The following CCDC142 variants were observed in gnomAD, a reference collection of about 807,000 sequenced individuals.
CCDC142 encodes coiled-coil domain containing 142.
In CCDC142, 67 loss-of-function variants were observed where a neutral mutation model predicts 83.8. The observed-to-expected ratio is 0.80, with a 90% CI of 0.66 to 0.98. The LOEUF is 0.98. CCDC142 is among the 50% of genes least tolerant of loss of function. The pLI is 0.00. For missense variants in CCDC142, 905 were observed against 946.8 expected (o/e 0.96, Z 0.58); for synonymous variants, 421 against 421.2 (o/e 1.00, Z 0.01).
chr2:74,482,900 G>A lies in CCDC142; in HGVS notation c.-63C>T. 1 of 1,567,010 alleles carries A rather than the reference G, an allele frequency of 6.4e-7. No individual in the cohort carries two copies. Among genetic ancestry groups the A allele is most frequent in the Non-Finnish European group, 8.6e-7 (1 of 1,159,278 alleles). ...TTCCCTGCACGGACCAACGCCCGCC[G>A]CAGCTCGGACTTCGCCCCATCGCAA... is the stretch of plus-strand genomic sequence containing the variant. On this transcript the variant is annotated 5_prime_UTR_variant, in exon 1 of 9. Coordinates refer to ENST00000393965, the MANE Select transcript of CCDC142 (RefSeq NM_001365575.2). This position sits in a 1 kb window ranked among gnomAD's most constrained non-coding sequence, Gnocchi z 5.0.
In CCDC142 at chr2:74,481,906, G is replaced by A; in HGVS notation, c.932C>T (p.Ala311Val). 6.2e-7 allele frequency: 1 copy of A among 1,614,138 alleles called. No individual in the cohort carries two copies. Among genetic ancestry groups the A allele is most frequent in the Non-Finnish European group, 8.5e-7 (1 of 1,180,022 alleles). ...TAGGTCCAGACTCTGAGCACAGGCT[G>A]CCCACAGCAGGGTCCAGTATTGGCT... is the stretch of plus-strand genomic sequence containing the variant. ...LWSQYWTLLW[A>V]ACAQSLDLNL... Residue 311 changes from alanine to valine, a missense_variant, in exon 1 of 9, where the codon GCA (alanine) becomes GTA (valine). Coordinates refer to ENST00000393965, the MANE Select transcript of CCDC142 (RefSeq NM_001365575.2).
At position 74,475,708 on chromosome 2, in the gene CCDC142, G is replaced by C. The variant is rs780743503; in HGVS notation, c.1522C>G (p.Leu508Val). 3 of 1,613,386 alleles carry C rather than the reference G, an allele frequency of 1.9e-6. No individual in the cohort carries two copies. Among genetic ancestry groups the C allele is most frequent in the Non-Finnish European group, 2.5e-6 (3 of 1,179,368 alleles). ...TGACATTCTTGAGAAAAGACACTTAGTGACTCTTCAGGCAGGAGCTGTAGG... is the reference window on the plus strand; with the variant it reads ...TGACATTCTTGAGAAAAGACACTTACTGACTCTTCAGGCAGGAGCTGTAGG... ...AQIQLLPEESLSVFSQECHKQ... is the reference protein window; with the variant it reads ...AQIQLLPEESVSVFSQECHKQ... Residue 508 changes from leucine to valine, a missense_variant, in exon 6 of 9, where the codon CTA (leucine) becomes GTA (valine). By Grantham distance (32) the Leu-to-Val change is conservative (BLOSUM62 1). This residue lies in a region of CCDC142 where 49 missense variants were observed against 86.4 expected (regional missense o/e 0.57). Transcript: ENST00000393965.
chr2:74,478,130 C>T (rs911121798), intron 5 of CCDC142, among the ~76,000 whole-genome samples: 3 of 149,084 alleles, frequency 2.0e-5, no homozygotes, highest in Non-Finnish European at 3.0e-5. Context: ...GGCACGCTCT[C>T]GACTCACTGG....
intron 5 of CCDC142, among the ~76,000 whole-genome samples, chr2:74,477,749 G>T (rs1021724628): frequency 6.6e-6 from 1 of 152,144 alleles, no homozygotes; most frequent in African/African-American, 2.4e-5. Flanking sequence ...CTCATGATGA[G>T]CCTGCTCTGG....
At chr2:74,475,570 C>T (rs1672304367) in intron 6 of CCDC142, 42 bp downstream of exon 6, 1 of 1,549,140 alleles carries the variant, frequency 6.5e-7, no homozygotes. Flanking sequence ...ACACTATTAC[C>T]CCCTTGGAAC....
chr2:74,476,374 T>C (rs1572929325), intron 5 of CCDC142, among the ~76,000 whole-genome samples: 1 of 152,176 alleles, frequency 6.6e-6, no homozygotes, highest in African/African-American at 2.4e-5. Context: ...GGTTTTGCCA[T>C]GTTGGTCAGG....
intron 5 of CCDC142, among the ~76,000 whole-genome samples, chr2:74,478,799 G>C (rs898788539): frequency 2.6e-5 from 4 of 151,396 alleles, no homozygotes; most frequent in African/African-American, 7.3e-5. Context: ...GGCTGAGGTG[G>C]GTGGATCACC....
In CCDC142 at chr2:74,475,172, C is replaced by G; in HGVS notation, c.1796+53G>C. 4.3e-6 allele frequency: 7 copies of G among 1,613,322 alleles called. No homozygotes were observed. The South Asian group carries it at 7.7e-5, about 18-fold the overall frequency. ...CCCTCCTGCCTCTCCCACTTATCCC[C>G]TTCCTTTTCCCAGTTCCATTCACCC... On this transcript the variant is annotated intron_variant, in intron 7 of 8. Transcript: ENST00000393965.
chr2:74,473,858 C>T lies in CCDC142; in HGVS notation c.*688G>A, dbSNP rs1230328951. On this transcript the variant is annotated 3_prime_UTR_variant, in exon 9 of 9. Coordinates refer to ENST00000393965, the MANE Select transcript of CCDC142 (RefSeq NM_001365575.2). ...CACAATCTCGGCTCTCCGCAACCTTCGCCTCCTAGGTTCAAGCGATTCTCC... is the reference window on the plus strand; with the variant it reads ...CACAATCTCGGCTCTCCGCAACCTTTGCCTCCTAGGTTCAAGCGATTCTCC... 2 of 148,158 alleles carry T rather than the reference C, an allele frequency of 1.3e-5. No homozygotes were observed. Among genetic ancestry groups the T allele is most frequent in the East Asian group, 2.0e-4 (1 of 4,980 alleles). The allele number at this position is 148,158 out of a possible 1,614,324, so 9.2% of individuals were successfully genotyped here.
chr2:74,477,126 T>C (rs529613318), intron 5 of CCDC142, among the ~76,000 whole-genome samples: 2 of 152,208 alleles, frequency 1.3e-5, no homozygotes, highest in Non-Finnish European at 2.9e-5. Flanking sequence ...ATGCCTCTTT[T>C]TTTTTTTTTG....
Position 74,482,563 on chromosome 2 carries a change from C to A in CCDC142, c.275G>T (p.Arg92Leu), listed in dbSNP as rs1264214707. Residue 92 changes from arginine to leucine, a missense_variant, in exon 1 of 9, where the codon CGG (arginine) becomes CTG (leucine). Around this residue, in one of 3 missense-constraint regions of CCDC142, gnomAD observed 591 missense variants for 571.4 expected, o/e 1.03. Coordinates refer to ENST00000393965, the MANE Select transcript of CCDC142 (RefSeq NM_001365575.2). The surrounding 1 kb of genome is among the most constrained non-coding windows in gnomAD (Gnocchi z 5.0). ...GCGATGCAGCCGCAGCAACACCGCC[C>A]GGAGACGCTGCAGCGCGGGAGGGAT... ...GPIPPALQRL[R>L]AVLLRLHRER... is the part of the protein sequence containing the mutation. The A allele has an allele frequency of 6.2e-7, 1 of 1,601,416 alleles. No homozygotes were observed. Among genetic ancestry groups the A allele is most frequent in the Non-Finnish European group, 8.5e-7 (1 of 1,173,414 alleles).
At chr2:74,479,324 A>T (rs1672394621) in intron 5 of CCDC142, among the ~76,000 whole-genome samples, 1 of 152,228 alleles carries the variant, frequency 6.6e-6, no homozygotes, top group African/African-American at 2.4e-5. Flanking sequence ...CCACACCCCT[A>T]TTCGGGGCAA....
Position 74,474,766 on chromosome 2 carries a change from C to T in CCDC142, c.2033G>A (p.Ser678Asn). Residue 678 changes from serine to asparagine, a missense_variant, in exon 9 of 9, where the codon AGC becomes AAC. Ser to Asn is a conservative substitution (Grantham distance 46). This residue lies in a region of CCDC142 where 265 missense variants were observed against 288.9 expected (regional missense o/e 0.92). Coordinates refer to ENST00000393965, the MANE Select transcript of CCDC142 (RefSeq NM_001365575.2). ...CQEVQTTKLPSSCLNSLESLE... is the reference protein window; with the variant it reads ...CQEVQTTKLPNSCLNSLESLE... ...GCTCTCCAGGCTATTGAGGCAGCTG[C>T]TGGGCAATTTCGTGGTCTGGACCTC... 1 of 1,613,166 alleles carries T rather than the reference C, an allele frequency of 6.2e-7. No individual in the cohort carries two copies. Among genetic ancestry groups the T allele is most frequent in the Non-Finnish European group, 8.5e-7 (1 of 1,179,400 alleles).
chr2:74,473,066 C>T lies in CCDC142; in HGVS notation c.*1480G>A. 1 of 272,226 alleles carries T rather than the reference C, an allele frequency of 3.7e-6. No individual in the cohort carries two copies. Among genetic ancestry groups the T allele is most frequent in the Non-Finnish European group, 7.2e-6 (1 of 139,844 alleles). 16.9% of individuals were successfully genotyped at this position (272,226 alleles called of 1,614,324 possible). A position where few individuals can be genotyped will look rare whatever the true frequency, so the allele number is the denominator to read the frequency against. On this transcript the variant is annotated 3_prime_UTR_variant, in exon 9 of 9. Coordinates refer to ENST00000393965, the MANE Select transcript of CCDC142 (RefSeq NM_001365575.2). ...TCCAAAGAGAGAGCACTAACACAAG[C>T]CGGGATGATCCACACCAGAAGGTAA...
chr2:74,478,054 A>C (rs1672366436), intron 5 of CCDC142, among the ~76,000 whole-genome samples: 1 of 147,598 alleles, frequency 6.8e-6, no homozygotes, highest in African/African-American at 2.5e-5. Context: ...ATATAATATA[A>C]ATAAAATATA....
In CCDC142 at chr2:74,475,356, G is replaced by C; in HGVS notation, c.1665C>G (p.Thr555=). Residue 555 remains threonine (T), a synonymous_variant, in exon 7 of 9, where the codon ACC becomes ACG. Coordinates refer to ENST00000393965, the MANE Select transcript of CCDC142 (RefSeq NM_001365575.2). ...PSEYAGLVVR[T]VLEPVLQGLQ... ...ATCCTTGCAACACAGGCTCCAGTAC[G>C]GTGCGGACCACTAAACCAGCATACT... 2 of 1,606,972 alleles carry C rather than the reference G, an allele frequency of 1.2e-6. No individual in the cohort carries two copies. Among genetic ancestry groups the C allele is most frequent in the South Asian group, 1.1e-5 (1 of 90,302 alleles).
chr2:74,480,939 A>G lies in CCDC142; in HGVS notation c.1389+17T>C, dbSNP rs1447399317. 6.2e-7 allele frequency: 1 copy of G among 1,612,550 alleles called. No individual in the cohort carries two copies. Among genetic ancestry groups the G allele is most frequent in the South Asian group, 1.1e-5 (1 of 91,060 alleles). On this transcript the variant is annotated intron_variant, in intron 4 of 8. Coordinates refer to ENST00000393965, the MANE Select transcript of CCDC142 (RefSeq NM_001365575.2). ...CCTAGCTCAGGCTGCTCCCCTCCCT[A>G]CTCCCCAGCCACTCACAGGTAAGTC...
At chr2:74,476,033 C>A (rs933581443) in intron 5 of CCDC142, among the ~76,000 whole-genome samples, 2 of 138,352 alleles carry the variant, frequency 1.4e-5, no homozygotes, top group Non-Finnish European at 3.1e-5. Flanking sequence ...ATACCCTGCC[C>A]CCACCCCCGC....
Position 74,474,356 on chromosome 2 carries a change from A to T in CCDC142, c.*190T>A. The stretch of plus-strand genomic sequence containing the variant: ...CCTCGGTCTCCCAAAGTGCTGGATT[A>T]CAGGCGTGAGCCACCTCGCCCAGCC... On this transcript the variant is annotated 3_prime_UTR_variant, in exon 9 of 9. Coordinates refer to ENST00000393965, the MANE Select transcript of CCDC142 (RefSeq NM_001365575.2). 1.5e-6 allele frequency: 1 copy of T among 666,954 alleles called. No homozygotes were observed. The highest frequency in any genetic ancestry group is 2.4e-6 in the Non-Finnish European group (1 of 419,056). 41.3% of individuals were successfully genotyped at this position (666,954 alleles called of 1,614,324 possible).
Sources: gnomAD v4.1 joint callset for allele counts (sites outside exome capture counted in the v4.1 genomes callset) on GRCh38, gnomAD v4.1.1 for gene constraint, gnomAD v4.1.1 regional missense constraint, Gnocchi (gnomAD v3.1) non-coding constraint, MANE v1.5 for transcripts, NCBI Gene and HGNC (gene_info 2026-07-23, HGNC 2026-07-21) for gene names.